DOCK11: variants seen among roughly 807,000 people sequenced by gnomAD.
The protein encoded by DOCK11 is dedicator of cytokinesis protein 11.
DOCK11 carries 70 observed loss-of-function variants against 169.1 expected under a neutral mutation model. That is an observed-to-expected ratio of 0.41 (90% confidence interval 0.34 to 0.51). DOCK11 has a LOEUF of 0.51. Ranked by LOEUF, DOCK11 falls within the 20% of genes least tolerant of loss-of-function variation. The pLI, the probability that DOCK11 is intolerant of heterozygous loss-of-function variation, is 0.10. For synonymous variants in DOCK11, 529 were observed against 541.3 expected (o/e 0.98, Z 0.32); for missense variants, 1,166 against 1,538.8 (o/e 0.76, Z 4.05).
At chrX:118,655,511 C>G (rs746661503) in intron 44 of DOCK11, among the ~76,000 whole-genome samples, 21 of 111,362 alleles carry the variant, frequency 1.9e-4, no homozygotes, top group African/African-American at 5.9e-4. Context: ...TCTCCAGCCA[C>G]TTTAGTGCAG....
chrX:118,497,951 G>T (rs1010954110), intron 1 of DOCK11, among the ~76,000 whole-genome samples: 4 of 112,462 alleles, frequency 3.6e-5, no homozygotes, highest in African/African-American at 6.5e-5. Context: ...TGCATTGTAG[G>T]TTCAGCGGCT....
At position 118,585,099 on chromosome X, in the gene DOCK11, G is replaced by A; in HGVS notation, c.1777G>A (p.Val593Ile). 2.5e-6 allele frequency: 3 copies of A among 1,206,685 alleles called. No homozygotes were observed. Among genetic ancestry groups the A allele is most frequent in the Non-Finnish European group, 3.4e-6 (3 of 891,104 alleles). Residue 593 changes from valine to isoleucine, a missense_variant, in exon 16 of 53, where the codon GTT becomes ATT. Physicochemically the swap from Val to Ile is conservative, Grantham distance 29 (BLOSUM62 3). Transcript: ENST00000276202. ...PGQLNITVECVPVDLSNCITS... is the reference protein window; with the variant it reads ...PGQLNITVECIPVDLSNCITS... ...GCAGCTAAACATCACAGTAGAATGT[G>A]TTCCTGTGGATTTATCAAGTAAGAA...
chrX:118,535,475 C>T (rs959877721), intron 1 of DOCK11, among the ~76,000 whole-genome samples: 3 of 111,788 alleles, frequency 2.7e-5, no homozygotes, highest in Non-Finnish European at 3.8e-5. Context: ...CTGACCGAAC[C>T]GGTGTTTTTG....
intron 15 of DOCK11, 70 bp downstream of exon 15, chrX:118,584,927 G>GT (rs770646513): frequency 2.5e-4 from 286 of 1,149,787 alleles, no homozygotes; most frequent in Non-Finnish European, 3.2e-4. Context: ...AATGATGAAT[G>GT]TGAGTCATAT....
chrX:118,575,211 T>G (rs1320538917), intron 12 of DOCK11, among the ~76,000 whole-genome samples: 1 of 111,704 alleles, frequency 9.0e-6, no homozygotes, highest in Non-Finnish European at 1.9e-5. Context: ...ACATCTCTGT[T>G]GTGTATATAG....
At chrX:118,622,074 C>T (rs1603127059) in intron 31 of DOCK11, among the ~76,000 whole-genome samples, 1 of 112,031 alleles carries the variant, frequency 8.9e-6, no homozygotes, top group African/African-American at 3.2e-5. Context: ...ACTGCAGATT[C>T]TACTTCTAGT....
intron 40 of DOCK11, among the ~76,000 whole-genome samples, chrX:118,648,126 TATATA>T (rs1236582196): frequency 3.9e-5 from 3 of 76,568 alleles, no homozygotes; most frequent in South Asian, 5.5e-4. Flanking sequence ...ATTGTAATAT[TATATA>T]ATATAATATA....
chrX:118,515,502 G>C (rs984953052), intron 1 of DOCK11, among the ~76,000 whole-genome samples: 1 of 111,184 alleles, frequency 9.0e-6, no homozygotes, highest in Non-Finnish European at 1.9e-5. Context: ...CAAAGTGCTG[G>C]GATTATAGAT....
At chrX:118,582,808 A>C (rs1187562497) in intron 14 of DOCK11, among the ~76,000 whole-genome samples, 2 of 112,052 alleles carry the variant, frequency 1.8e-5, no homozygotes, top group African/African-American at 6.5e-5. Flanking sequence ...GTGGAGAAAT[A>C]GGAACGCTTT....
intron 6 of DOCK11, among the ~76,000 whole-genome samples, chrX:118,555,643 G>C (rs778340281): frequency 9.0e-6 from 1 of 111,280 alleles, no homozygotes; most frequent in East Asian, 2.8e-4. Context: ...GGTTGCCAAC[G>C]TAGTGGTAGG....
chrX:118,504,888 T>A (rs2057600653), intron 1 of DOCK11, among the ~76,000 whole-genome samples: 1 of 112,298 alleles, frequency 8.9e-6, no homozygotes, highest in Non-Finnish European at 1.9e-5. Flanking sequence ...CAGAGCAAAG[T>A]GGTTAAGAGC....
chrX:118,548,974 C>T (rs1416240868), intron 6 of DOCK11, among the ~76,000 whole-genome samples: 1 of 110,731 alleles, frequency 9.0e-6, no homozygotes, highest in Non-Finnish European at 1.9e-5. Context: ...GTGATGGGTC[C>T]GAGGCAACCT....
rs747650724 is a variant in DOCK11, at chrX:118,584,136, G to A, written c.1596-599G>A. ...AATTTTCATGAATGTATACAGTCAC[G>A]TAACCACCACCCCAACCAGATATGG... On this transcript the variant is annotated intron_variant, in intron 14 of 52. Coordinates refer to ENST00000276202, the MANE Select transcript of DOCK11 (RefSeq NM_144658.4). Among the ~76,000 whole-genome samples the A allele has an allele frequency of 8.1e-5, 9 of 111,685 alleles. No homozygotes were observed. The East Asian group carries it at 1.7e-3, about 21-fold the overall frequency.
At chrX:118,647,916 A>G (rs1351350042) in intron 40 of DOCK11, among the ~76,000 whole-genome samples, 1 of 44,561 alleles carries the variant, frequency 2.2e-5, no homozygotes, top group Non-Finnish European at 3.3e-5. Context: ...ATATTATAAT[A>G]TTATATATAA....
At chrX:118,526,481 C>T (rs1220613406) in intron 1 of DOCK11, among the ~76,000 whole-genome samples, 1 of 112,205 alleles carries the variant, frequency 8.9e-6, no homozygotes, top group Non-Finnish European at 1.9e-5. Context: ...TGTCCGATGA[C>T]TACTTGCTTA....
chrX:118,643,192 TC>T (rs1299674830), intron 39 of DOCK11, among the ~76,000 whole-genome samples: 1 of 111,882 alleles, frequency 8.9e-6, no homozygotes, highest in Non-Finnish European at 1.9e-5. Flanking sequence ...AAAATACTCT[TC>T]CCATACTAGT....
intron 48 of DOCK11, among the ~76,000 whole-genome samples, chrX:118,677,335 G>T (rs148196685): frequency 1.8e-5 from 2 of 112,316 alleles, no homozygotes; most frequent in African/African-American, 6.5e-5. Flanking sequence ...ATAGTGAGAA[G>T]GCTTATATTA....
Position 118,591,082 on chromosome X carries a change from G to A in DOCK11, c.2139+780G>A, listed in dbSNP as rs760282763. 4.5e-5 allele frequency among the ~76,000 whole-genome samples: 5 copies of A among 112,172 alleles called. No individual in the cohort carries two copies. In the South Asian group the frequency reaches 1.5e-3, roughly 33 times the overall value. Reference sequence around the variant, plus strand: ...CCTGGATGGGCATCCCAGCCCAGACGTTCTGCTGTCCCTGCTTCTCAGTCC... The same window carrying A: ...CCTGGATGGGCATCCCAGCCCAGACATTCTGCTGTCCCTGCTTCTCAGTCC... On this transcript the variant is annotated intron_variant, in intron 19 of 52. Coordinates refer to ENST00000276202, the MANE Select transcript of DOCK11 (RefSeq NM_144658.4).
At chrX:118,535,485 G>C (rs2011721331) in intron 1 of DOCK11, among the ~76,000 whole-genome samples, 2 of 111,981 alleles carry the variant, frequency 1.8e-5, no homozygotes, top group African/African-American at 6.5e-5. Flanking sequence ...CGGTGTTTTT[G>C]ATCCTGCCTA....
Sources: gnomAD v4.1 joint callset for allele counts (sites outside exome capture counted in the v4.1 genomes callset) on GRCh38, gnomAD v4.1.1 for gene constraint, MANE v1.5 for transcripts, NCBI Gene and HGNC (gene_info 2026-07-23, HGNC 2026-07-21) for gene names.